The following TRIP6 variants were observed in gnomAD, a reference collection of about 807,000 sequenced individuals.
The protein encoded by TRIP6 is thyroid receptor-interacting protein 6.
TRIP6 carries 33 observed loss-of-function variants against 51.9 expected under a neutral mutation model. The observed-to-expected ratio is 0.64, with a 90% confidence interval of 0.48 to 0.85. The LOEUF is 0.85. TRIP6 is among the 40% of genes least tolerant of loss of function. The pLI, the probability that TRIP6 is intolerant of heterozygous loss-of-function variation, is 0.00. For synonymous variants in TRIP6, 255 were observed against 275.8 expected (o/e 0.92, Z 0.75); for missense variants, 661 against 652.1 (o/e 1.01, Z -0.15).
chr7:100,873,284 C>T lies in TRIP6; in HGVS notation c.1412C>T (p.Thr471Ile), dbSNP rs2115638466. The T allele has an allele frequency of 1.2e-6, 2 of 1,610,598 alleles. No homozygotes were observed. Among genetic ancestry groups the T allele is most frequent in the Middle Eastern group, 1.7e-4 (1 of 6,040 alleles). Residue 471 changes from threonine (T) to isoleucine (I), a missense_variant, in exon 9 of 9, where the codon ACC becomes ATC. Coordinates refer to ENST00000200457, the MANE Select transcript of TRIP6 (RefSeq NM_003302.3). ...TGGCGCATCCAGGAGCTCTCAGCCA[C>T]CGTCACCACTGACTGCTGAGTCTTC... ...SAWRIQELSA[T>I]VTTDC
intron 3 of TRIP6, 82 bp from the exon 4 acceptor site, chr7:100,868,413 C>T (rs1360958600): frequency 3.7e-6 from 6 of 1,601,112 alleles, no homozygotes; most frequent in Non-Finnish European, 5.1e-6. Flanking sequence ...CCTGTGCTTC[C>T]CCACAGCCAG....
At chr7:100,869,044 T>A (rs553612180) in intron 4 of TRIP6, among the ~76,000 whole-genome samples, 178 bp downstream of exon 4, 1 of 152,026 alleles carries the variant, frequency 6.6e-6, no homozygotes, top group African/African-American at 2.4e-5. Flanking sequence ...GCCTCCCGGG[T>A]TCAAGTGATT....
intron 6 of TRIP6, chr7:100,871,303 G>A: frequency 1.7e-6 from 1 of 580,174 alleles, no homozygotes; most frequent in East Asian, 2.9e-5. Context: ...CCAAAGTGCT[G>A]GCATTACAGG....
In TRIP6 at chr7:100,871,729, C is replaced by G. The variant is rs1204500586; in HGVS notation, c.1178+8C>G. ...CATTGAGGACTTTCACAGGTCAGGC[C>G]TGGCCTCCACCTTGTCTCACAATGT... On this transcript the variant is annotated splice_region_variant and intron_variant, in intron 7 of 8. Transcript: ENST00000200457. 1.2e-6 allele frequency: 2 copies of G among 1,611,686 alleles called. No homozygotes were observed. Among genetic ancestry groups the G allele is most frequent in the Non-Finnish European group, 1.7e-6 (2 of 1,178,326 alleles).
chr7:100,873,387 C>T lies in TRIP6; in HGVS notation c.*84C>T. The T allele has an allele frequency of 2.3e-5, 35 of 1,499,952 alleles. No homozygotes were observed. Among genetic ancestry groups the T allele is most frequent in the Non-Finnish European group, 2.8e-5 (32 of 1,123,984 alleles). 92.9% of individuals were successfully genotyped at this position (1,499,952 alleles called of 1,614,324 possible). On this transcript the variant is annotated 3_prime_UTR_variant, in exon 9 of 9. Coordinates refer to ENST00000200457, the MANE Select transcript of TRIP6 (RefSeq NM_003302.3). ...CTCTCCCTGACATCCACCTGTATGA[C>T]TTTGTCACCAAATGCTGTCTTCTCT...
At chr7:100,872,448 C>T (rs1815294706) in intron 7 of TRIP6, among the ~76,000 whole-genome samples, 176 bp from the exon 8 acceptor site, 1 of 152,116 alleles carries the variant, frequency 6.6e-6, no homozygotes, top group Non-Finnish European at 1.5e-5. Context: ...GGATTGCAGG[C>T]TAGAGCCACT....
Position 100,867,504 on chromosome 7 carries a change from G to A in TRIP6, c.7G>A (p.Gly3Arg). The A allele has an allele frequency of 1.3e-6, 2 of 1,491,952 alleles. No homozygotes were observed. The highest frequency in any genetic ancestry group is 1.8e-6 in the Non-Finnish European group (2 of 1,122,014). The allele number at this position is 1,491,952 out of a possible 1,614,324, so 92.4% of individuals were successfully genotyped here. The part of the protein sequence containing the change: MS[G>R]PTWLPPKQPE... ...GAGTCCCCCTTTCCAGGCCATGTCG[G>A]GGCCCACCTGGCTGCCCCCGAAGCA... The change falls in exon 1 of 9, where the codon GGG (glycine) becomes AGG (arginine). Residue 3 changes from glycine to arginine, a missense_variant. Transcript: ENST00000200457. This position sits in a 1 kb window ranked among gnomAD's most constrained non-coding sequence, Gnocchi z 5.4.
Position 100,868,630 on chromosome 7 carries a change from G to C in TRIP6, c.499G>C (p.Ala167Pro), listed in dbSNP as rs746796424. The C allele has an allele frequency of 9.9e-6, 16 of 1,612,210 alleles. 1 individual carries two copies. The South Asian group carries it at 1.6e-4, about 17-fold the overall frequency. ...TACCGCCAGCACCCCGGCTGGCCCA[G>C]CCTTCCCCGTGCAAGTGAAGGTGGC... is the stretch of plus-strand genomic sequence containing the variant. ...YTTASTPAGP[A>P]FPVQVKVAQP... The change falls in exon 4 of 9, where the codon GCC (alanine) becomes CCC (proline). Residue 167 changes from alanine (A) to proline (P), a missense_variant. Coordinates refer to ENST00000200457, the MANE Select transcript of TRIP6 (RefSeq NM_003302.3).
Position 100,871,681 on chromosome 7 carries a change from G to T in TRIP6, c.1138G>T (p.Asp380Tyr). The change falls in exon 7 of 9, where the codon GAT becomes TAT. Residue 380 changes from aspartate (D) to tyrosine (Y), a missense_variant. Transcript: ENST00000200457. ...CCTCGACGGCATCCCCTTCACAGTG[G>T]ATGCTACGAGCCAGATCCACTGCAT... Reference protein sequence around the residue: ...RGLDGIPFTVDATSQIHCIED... With the variant: ...RGLDGIPFTVYATSQIHCIED... 1 of 1,614,052 alleles carries T rather than the reference G, an allele frequency of 6.2e-7. No individual in the cohort carries two copies. The highest frequency in any genetic ancestry group is 8.5e-7 in the Non-Finnish European group (1 of 1,180,028).
chr7:100,871,509 C>A (rs773796031), intron 6 of TRIP6, 34 bp from the exon 7 acceptor site: 7 of 1,604,560 alleles, frequency 4.4e-6, no homozygotes, highest in African/African-American at 1.3e-5. Flanking sequence ...GGCTCCCGCC[C>A]GCTCCCAGAT....
intron 8 of TRIP6, 104 bp downstream of exon 8, chr7:100,872,848 CTTTCTT>C: frequency 3.4e-5 from 44 of 1,281,266 alleles, no homozygotes; most frequent in South Asian, 7.7e-5. Context: ...CCTGTTGCTT[CTTTCTT>C]TTTTTTTTTT....
At chr7:100,870,148 C>T (rs1226077962) in intron 4 of TRIP6, among the ~76,000 whole-genome samples, 1 of 152,172 alleles carries the variant, frequency 6.6e-6, no homozygotes, top group Non-Finnish European at 1.5e-5. Context: ...GTTCATGCTC[C>T]TATGAGAATC....
chr7:100,869,971 A>G (rs1445295956), intron 4 of TRIP6, among the ~76,000 whole-genome samples: 1 of 152,052 alleles, frequency 6.6e-6, no homozygotes, highest in African/African-American at 2.4e-5. Context: ...TACCGAAACA[A>G]TTATACAATT....
chr7:100,872,493 C>T, intron 7 of TRIP6, 131 bp from the exon 8 acceptor site: 2 of 1,384,894 alleles, frequency 1.4e-6, no homozygotes, highest in South Asian at 1.4e-5. Flanking sequence ...TGACATCGTC[C>T]CTTCCCCAAG....
Position 100,867,589 on chromosome 7 carries a change from C to T in TRIP6, c.92C>T (p.Pro31Leu). 1 of 1,539,940 alleles carries T rather than the reference C, an allele frequency of 6.5e-7. No individual in the cohort carries two copies. The highest frequency in any genetic ancestry group is 8.7e-7 in the Non-Finnish European group (1 of 1,146,468). Residue 31 changes from proline to leucine, a missense_variant, in exon 1 of 9, where the codon CCA becomes CTA. By Grantham distance (98) the Pro-to-Leu change is moderately conservative. Coordinates refer to ENST00000200457, the MANE Select transcript of TRIP6 (RefSeq NM_003302.3). The surrounding 1 kb of genome is among the most constrained non-coding windows in gnomAD (Gnocchi z 5.4). Reference sequence around the variant, plus strand: ...ATCCCCCGCGGCACCCCGGGGCCACCACCGGCCCACGGAGCAGGTAAGGCA... The same window carrying T: ...ATCCCCCGCGGCACCCCGGGGCCACTACCGGCCCACGGAGCAGGTAAGGCA... ...RAIPRGTPGP[P>L]PAHGAALQPH...
Position 100,873,328 on chromosome 7 carries a change from TTC to T in TRIP6, c.*28_*29del, listed in dbSNP as rs1815320204. 3 of 1,586,140 alleles carry T rather than the reference TTC, an allele frequency of 1.9e-6. No individual in the cohort carries two copies. The African/African-American group carries it at 4.0e-5, about 21-fold the overall frequency. On this transcript the variant is annotated 3_prime_UTR_variant, in exon 9 of 9. Coordinates refer to ENST00000200457, the MANE Select transcript of TRIP6 (RefSeq NM_003302.3). ...AGTCTTCCTAGAAGTACCTGCTGGG[TTC>T]TCAGTTCCAGTTCCCATCCTTTGAT...
intron 4 of TRIP6, 40 bp from the exon 5 acceptor site, chr7:100,870,330 A>G (rs1815241308): frequency 1.9e-6 from 3 of 1,540,936 alleles, no homozygotes; most frequent in African/African-American, 3.3e-5. Context: ...TTACAGCATC[A>G]GGAGCTAGAG....
intron 4 of TRIP6, among the ~76,000 whole-genome samples, chr7:100,869,613 CAA>C (rs1367809973): frequency 3.4e-5 from 3 of 89,414 alleles, no homozygotes; most frequent in Non-Finnish European, 6.1e-5. Context: ...ACCTGGGCAA[CAA>C]GAGCAAAACT....
In TRIP6 at chr7:100,868,713, C is replaced by A. The variant is rs773934683; in HGVS notation, c.582C>A (p.Pro194=). 5 of 1,571,360 alleles carry A rather than the reference C, an allele frequency of 3.2e-6. No homozygotes were observed. Among genetic ancestry groups the A allele is most frequent in the African/African-American group, 1.4e-5 (1 of 73,036 alleles). The change falls in exon 4 of 9, where the codon CCC becomes CCA. Residue 194 remains proline (P), a synonymous_variant. Transcript: ENST00000200457. ...PRRGASQASG[P]LPGPHFPLPG... ...GGGGAGCCTCTCAGGCCTCTGGGCC[C>A]CTCCCGGGCCCCCACTTTCCTCTCC... is the stretch of plus-strand genomic sequence containing the variant.
Sources: allele counts gnomAD v4.1 joint callset (sites outside exome capture counted in the v4.1 genomes callset), GRCh38; gene constraint gnomAD v4.1.1; non-coding constraint Gnocchi (gnomAD v3.1); transcripts MANE v1.5; gene names NCBI Gene and HGNC (gene_info 2026-07-23, HGNC 2026-07-21).